Variants in CCN3 observed in about 807,000 individuals in gnomAD.
CCN3 encodes the protein CCN family member 3.
CCN3 carries 20 observed loss-of-function variants against 33.4 expected under a neutral mutation model. The observed-to-expected ratio is 0.60, with a 90% CI of 0.42 to 0.87. CCN3 has a LOEUF of 0.87. Among genes scored for constraint, CCN3 ranks in the 40% least tolerant of loss-of-function variants. CCN3 has a pLI of 0.00. For synonymous variants in CCN3, 205 were observed against 170.4 expected (o/e 1.20, Z -1.58); for missense variants, 465 against 455.3 (o/e 1.02, Z -0.19).
chr8:119,420,877 G>A (rs1231696754), intron 4 of CCN3, among the ~76,000 whole-genome samples: 3 of 151,814 alleles, frequency 2.0e-5, no homozygotes, highest in Non-Finnish European at 2.9e-5. Context: ...CTTGTAACTT[G>A]AATCTTCTTT....
Position 119,422,913 on chromosome 8 carries a change from C to T in CCN3, c.855C>T (p.His285=), listed in dbSNP as rs905599758. 10 of 1,614,042 alleles carry T rather than the reference C, an allele frequency of 6.2e-6. No individual in the cohort carries two copies. The highest frequency in any genetic ancestry group is 8.5e-6 in the Non-Finnish European group (10 of 1,180,024). The change falls in exon 5 of 5, where the codon CAC becomes CAT. Residue 285 remains histidine, a synonymous_variant. Coordinates refer to ENST00000259526, the MANE Select transcript of CCN3 (RefSeq NM_002514.4). ...HLQFKNCTSL[H]TYKPRFCGVC... ...AGTTCAAGAACTGCACCAGCCTGCA[C>T]ACCTACAAGCCCAGGTTCTGTGGGG... is the stretch of plus-strand genomic sequence containing the variant.
rs1180644180 is a variant in CCN3, at chr8:119,423,896, G to A, written c.*764G>A. 1 of 152,160 alleles carries A rather than the reference G, an allele frequency of 6.6e-6. No homozygotes were observed. The highest frequency in any genetic ancestry group is 1.9e-4 in the East Asian group (1 of 5,192). The allele number at this position is 152,160 out of a possible 1,614,324, so 9.4% of individuals were successfully genotyped here. The stretch of plus-strand genomic sequence containing the variant: ...TATTGGAAGCTGCTGAGGCCCCCAA[G>A]TTTTTTAATTAAGCAGAAACAGCAT... On this transcript the variant is annotated 3_prime_UTR_variant, in exon 5 of 5. Transcript: ENST00000259526.
chr8:119,417,139 C>A, intron 2 of CCN3, 170 bp downstream of exon 2: 1 of 636,604 alleles, frequency 1.6e-6, no homozygotes, highest in Non-Finnish European at 2.6e-6. Context: ...TTGGGGAGCA[C>A]TTGGGGCTTT....
chr8:119,416,677 T>A, intron 1 of CCN3, 61 bp downstream of exon 1: 1 of 1,587,462 alleles, frequency 6.3e-7, no homozygotes. Context: ...GGCCCCCATT[T>A]GGTCACCGGG....
Position 119,416,460 on chromosome 8 carries a change from G to C in CCN3, c.-73G>C, listed in dbSNP as rs532073144. 23 of 1,435,370 alleles carry C rather than the reference G, an allele frequency of 1.6e-5. No homozygotes were observed. Among genetic ancestry groups the C allele is most frequent in the Non-Finnish European group, 2.0e-5 (21 of 1,028,592 alleles). 88.9% of individuals were successfully genotyped at this position (1,435,370 alleles called of 1,614,324 possible). A position where few individuals can be genotyped will look rare whatever the true frequency, so the allele number is the denominator to read the frequency against. Reference sequence around the variant, plus strand: ...GCGTGATCGGCAAGCACCGGACCAGGGGGAAGGCGAGCAGTGCCAATCTAC... The same window carrying C: ...GCGTGATCGGCAAGCACCGGACCAGCGGGAAGGCGAGCAGTGCCAATCTAC... On this transcript the variant is annotated 5_prime_UTR_variant, in exon 1 of 5. Coordinates refer to ENST00000259526, the MANE Select transcript of CCN3 (RefSeq NM_002514.4).
In CCN3 at chr8:119,424,293, G is replaced by A. The variant is rs1311807033; in HGVS notation, c.*1161G>A. The stretch of plus-strand genomic sequence containing the variant: ...TATAAAAATATAAATTGTACATTTT[G>A]TAAAATATTATGTTTGATTTCTCTA... On this transcript the variant is annotated 3_prime_UTR_variant, in exon 5 of 5. Coordinates refer to ENST00000259526, the MANE Select transcript of CCN3 (RefSeq NM_002514.4). 7 of 152,076 alleles carry A rather than the reference G, an allele frequency of 4.6e-5. No individual in the cohort carries two copies. In the East Asian group the frequency reaches 5.8e-4, roughly 13 times the overall value. 9.4% of individuals were successfully genotyped at this position (152,076 alleles called of 1,614,324 possible). A position where few individuals can be genotyped will look rare whatever the true frequency, so the allele number is the denominator to read the frequency against.
rs770175066 is a variant in CCN3 at position 119,421,011 on chromosome 8, C to CTTTTTT, written c.777+1686_777+1691dup. ...GATTCTTAAATCTAAGACAGTGGTT[C>CTTTTTT]TTTTTTTTTTTTTTTTTTTTTTTTT... is the stretch of plus-strand genomic sequence containing the variant. On this transcript the variant is annotated intron_variant, in intron 4 of 4. Transcript: ENST00000259526. 3.5e-3 allele frequency among the ~76,000 whole-genome samples: 259 copies of CTTTTTT among 75,022 alleles called. 5 individuals carry two copies. The highest frequency in any genetic ancestry group is 0.017 in the Middle Eastern group (1 of 60). The allele number at this position is 75,022 out of a possible 152,430, so 49.2% of individuals were successfully genotyped here.
intron 3 of CCN3, 86 bp from the exon 4 acceptor site, chr8:119,419,045 C>G (rs1057151187): frequency 1.0e-5 from 10 of 1,004,788 alleles, no homozygotes; most frequent in Non-Finnish European, 1.6e-5. Flanking sequence ...CGAATGAGAC[C>G]CAGTTTCTAA....
chr8:119,416,598 T>G lies in CCN3; in HGVS notation c.66T>G (p.Leu22=), dbSNP rs1304739070. The G allele has an allele frequency of 1.9e-6, 3 of 1,613,810 alleles. No homozygotes were observed. In the South Asian group the frequency reaches 3.3e-5, roughly 18 times the overall value. ...AGTGCCTTTGCCTGACCTTCCTGCT[T>G]CTCCATCTCCTGGGACAGGTAAGTG... is the stretch of plus-strand genomic sequence containing the variant. The part of the protein sequence containing the change: ...RKQCLCLTFL[L]LHLLGQVAAT... Residue 22 remains leucine, a synonymous_variant, in exon 1 of 5, where the codon CTT becomes CTG. Coordinates refer to ENST00000259526, the MANE Select transcript of CCN3 (RefSeq NM_002514.4).
chr8:119,416,664 G>T (rs1165383327), intron 1 of CCN3, 48 bp downstream of exon 1: 4 of 1,598,148 alleles, frequency 2.5e-6, no homozygotes, highest in Non-Finnish European at 1.7e-6. Flanking sequence ...TGCCCGCCTT[G>T]GTGGCCCCCA....
chr8:119,417,216 A>G (rs1469292642), intron 2 of CCN3: 2 of 489,500 alleles, frequency 4.1e-6, no homozygotes, highest in Non-Finnish European at 7.2e-6. Context: ...TTGGCTTCCT[A>G]GACAAGAATC....
In CCN3 at chr8:119,422,908, C is replaced by A. The variant is rs761296153; in HGVS notation, c.850C>A (p.Leu284Met). ...CCTGCAGTTCAAGAACTGCACCAGC[C>A]TGCACACCTACAAGCCCAGGTTCTG... is the stretch of plus-strand genomic sequence containing the variant. ...IHLQFKNCTSLHTYKPRFCGV... is the reference protein window; with the variant it reads ...IHLQFKNCTSMHTYKPRFCGV... Residue 284 changes from leucine to methionine, a missense_variant, in exon 5 of 5, where the codon CTG becomes ATG. Coordinates refer to ENST00000259526, the MANE Select transcript of CCN3 (RefSeq NM_002514.4). The A allele has an allele frequency of 2.5e-6, 4 of 1,614,016 alleles. No homozygotes were observed. In the African/African-American group the frequency reaches 5.3e-5, roughly 22 times the overall value.
chr8:119,421,305 G>A (rs1176442461), intron 4 of CCN3, among the ~76,000 whole-genome samples: 3 of 152,098 alleles, frequency 2.0e-5, no homozygotes, highest in Non-Finnish European at 4.4e-5. Context: ...CACCGCGCCC[G>A]GCCGACAGTG....
At chr8:119,417,069 C>T (rs1410713720) in intron 2 of CCN3, 100 bp downstream of exon 2, 6 of 944,458 alleles carry the variant, frequency 6.4e-6, no homozygotes, top group African/African-American at 1.7e-5. Flanking sequence ...GGGCGATAAG[C>T]AAATAATAAT....
At chr8:119,420,826 G>A (rs999182973) in intron 4 of CCN3, among the ~76,000 whole-genome samples, 1 of 151,730 alleles carries the variant, frequency 6.6e-6, no homozygotes. Flanking sequence ...TCTAAGATGT[G>A]GCTTTTTCTA....
chr8:119,423,881 T>C lies in CCN3; in HGVS notation c.*749T>C, dbSNP rs1434658183. The C allele has an allele frequency of 6.6e-6, 1 of 152,250 alleles. No homozygotes were observed. Among genetic ancestry groups the C allele is most frequent in the Non-Finnish European group, 1.5e-5 (1 of 68,040 alleles). The allele number at this position is 152,250 out of a possible 1,614,324, so 9.4% of individuals were successfully genotyped here. On this transcript the variant is annotated 3_prime_UTR_variant, in exon 5 of 5. Transcript: ENST00000259526. ...CCTCAGACATTTATATATTGGAAGC[T>C]GCTGAGGCCCCCAAGTTTTTTAATT...
Position 119,423,144 on chromosome 8 carries a change from A to AG in CCN3, c.*13dup. The AG allele has an allele frequency of 6.2e-7, 1 of 1,609,140 alleles. No homozygotes were observed. Among genetic ancestry groups the AG allele is most frequent in the Non-Finnish European group, 8.5e-7 (1 of 1,176,406 alleles). ...GAGGGAAAATGTAACCTGTCACTCAAGAAGCACACCTACAGAGCACCTGTA... is the reference window on the plus strand; with the variant it reads ...GAGGGAAAATGTAACCTGTCACTCAAGGAAGCACACCTACAGAGCACCTGTA... On this transcript the variant is annotated 3_prime_UTR_variant, in exon 5 of 5. Coordinates refer to ENST00000259526, the MANE Select transcript of CCN3 (RefSeq NM_002514.4).
chr8:119,422,124 C>T (rs2130457891), intron 4 of CCN3, among the ~76,000 whole-genome samples: 1 of 151,900 alleles, frequency 6.6e-6, no homozygotes, highest in Middle Eastern at 3.4e-3. Flanking sequence ...GGAAACAAAA[C>T]ACATCTTACA....
In CCN3 at chr8:119,418,181, A is replaced by C; in HGVS notation, c.434A>C (p.Gln145Pro). The C allele has an allele frequency of 6.2e-7, 1 of 1,614,248 alleles. No homozygotes were observed. The highest frequency in any genetic ancestry group is 8.5e-7 in the Non-Finnish European group (1 of 1,180,044). The change falls in exon 3 of 5, where the codon CAG becomes CCG. Residue 145 changes from glutamine to proline, a missense_variant. Physicochemically the swap from Gln to Pro is moderately conservative, Grantham distance 76 (BLOSUM62 -1). Transcript: ENST00000259526. ...CAGATTGGCTGTGTGCCCCGCTGTC[A>C]GCTGGATGTGCTACTGCCTGAGCCT... Reference protein sequence around the residue: ...DGQIGCVPRCQLDVLLPEPNC... With the variant: ...DGQIGCVPRCPLDVLLPEPNC...
Sources: allele counts gnomAD v4.1 joint callset (sites outside exome capture counted in the v4.1 genomes callset), GRCh38; gene constraint gnomAD v4.1.1; transcripts MANE v1.5; gene names NCBI Gene and HGNC (gene_info 2026-07-23, HGNC 2026-07-21).